The following ZBTB20 variants were observed in gnomAD, a reference collection of about 807,000 sequenced individuals.
ZBTB20 encodes the protein zinc finger and BTB domain containing 20.
A neutral mutation model predicts 56.9 loss-of-function variants in ZBTB20; 9 were observed. That is an observed-to-expected ratio of 0.16 (90% confidence interval 0.10 to 0.28). The LOEUF is 0.28. ZBTB20 is among the 10% of genes least tolerant of loss of function. The pLI is 1.00. For missense variants in ZBTB20, 655 were observed against 1,003.0 expected (o/e 0.65, Z 4.69); for synonymous variants, 417 against 420.7 (o/e 0.99, Z 0.11).
intron 5 of ZBTB20, among the ~76,000 whole-genome samples, chr3:114,729,956 A>ATTTTTTT (rs1229757252): frequency 2.4e-4 from 29 of 119,444 alleles, no homozygotes; most frequent in African/African-American, 8.2e-4. Flanking sequence ...CATCCGGCTA[A>ATTTTTTT]TTTTTTTTTT....
At chr3:114,370,306 T>C (rs2108433502) in intron 10 of ZBTB20, among the ~76,000 whole-genome samples, 1 of 152,378 alleles carries the variant, frequency 6.6e-6, no homozygotes, top group South Asian at 2.1e-4. Context: ...TTGTACTTTG[T>C]AATAGTTGCT....
chr3:114,857,253 T>G (rs1283048072), intron 4 of ZBTB20, among the ~76,000 whole-genome samples: 1 of 152,190 alleles, frequency 6.6e-6, no homozygotes, highest in South Asian at 2.1e-4. Flanking sequence ...CTTCATCACC[T>G]TTCTCATCTT....
chr3:114,417,006 T>C (rs938413942), intron 7 of ZBTB20, among the ~76,000 whole-genome samples: 2 of 152,022 alleles, frequency 1.3e-5, no homozygotes, highest in Non-Finnish European at 2.9e-5. Flanking sequence ...AAAGAGTTTG[T>C]TTTATTTTCT....
chr3:114,619,122 C>T (rs554629128), intron 6 of ZBTB20, among the ~76,000 whole-genome samples: 1 of 152,234 alleles, frequency 6.6e-6, no homozygotes, highest in African/African-American at 2.4e-5. Context: ...TAAGGATGAA[C>T]AGGTTGTTTG....
At chr3:115,082,397 CGT>C (rs1226785305) in intron 1 of ZBTB20, among the ~76,000 whole-genome samples, 6 of 152,120 alleles carry the variant, frequency 3.9e-5, no homozygotes, top group Admixed American at 6.6e-5. Context: ...TGAGTGTGCG[CGT>C]GTCTGGATCA....
rs1257686366 is a variant in ZBTB20, at chr3:114,731,921, CGGCTGTGCCTAGATTAGTTACTAATCT to C, written c.-342-38373_-342-38347del. Reference sequence around the variant, plus strand: ...GCTGTGCCTAGATTAGTTACTAATCCGGCTGTGCCTAGATTAGTTACTAATCTGGCTGTGCCTAGATTAGTTACTAAT... The same window carrying C: ...GCTGTGCCTAGATTAGTTACTAATCCGGCTGTGCCTAGATTAGTTACTAAT... On this transcript the variant is annotated intron_variant, in intron 5 of 11. Coordinates refer to ENST00000675478, the MANE Select transcript of ZBTB20 (RefSeq NM_001348800.3). Among the ~76,000 whole-genome samples the C allele has an allele frequency of 8.3e-3, 1,250 of 151,438 alleles. 8 individuals carry two copies. The highest frequency in any genetic ancestry group is 0.013 in the Non-Finnish European group (890 of 67,778).
intron 6 of ZBTB20, among the ~76,000 whole-genome samples, chr3:114,635,834 A>T (rs1457985054): frequency 6.6e-6 from 1 of 152,098 alleles, no homozygotes; most frequent in Non-Finnish European, 1.5e-5. Flanking sequence ...CAATAAACAC[A>T]TTAGGGAATT....
At chr3:114,556,754 G>A (rs563430676) in intron 6 of ZBTB20, among the ~76,000 whole-genome samples, 15 of 152,044 alleles carry the variant, frequency 9.9e-5, no homozygotes, top group South Asian at 2.1e-4. Context: ...CCAAAGATGG[G>A]ACTTAAGACA....
chr3:115,120,554 T>A (rs1354825118), intron 1 of ZBTB20, among the ~76,000 whole-genome samples: 1 of 152,136 alleles, frequency 6.6e-6, no homozygotes, highest in African/African-American at 2.4e-5. Flanking sequence ...AGGATGAATG[T>A]AAGCCAGACG....
intron 6 of ZBTB20, among the ~76,000 whole-genome samples, chr3:114,590,383 G>A (rs968031054): frequency 3.3e-5 from 5 of 151,902 alleles, no homozygotes; most frequent in African/African-American, 7.3e-5. Flanking sequence ...CTTGGGAGGC[G>A]GAGGTTGCAG....
At chr3:114,510,086 T>A (rs1577184351) in intron 6 of ZBTB20, among the ~76,000 whole-genome samples, 1 of 152,124 alleles carries the variant, frequency 6.6e-6, no homozygotes, top group Non-Finnish European at 1.5e-5. Flanking sequence ...TCACCCATAC[T>A]TTGGGGAAGA....
At chr3:114,690,243 A>G (rs1464997369) in intron 6 of ZBTB20, among the ~76,000 whole-genome samples, 1 of 152,060 alleles carries the variant, frequency 6.6e-6, no homozygotes, top group Non-Finnish European at 1.5e-5. Flanking sequence ...TTCTTCCCCA[A>G]GGGTTAGGCA....
chr3:114,870,665 C>G (rs534814293), intron 4 of ZBTB20, among the ~76,000 whole-genome samples: 1 of 151,226 alleles, frequency 6.6e-6, no homozygotes, highest in African/African-American at 2.4e-5. Flanking sequence ...CACGCACACA[C>G]CCCTCAATAT....
chr3:114,338,942 T>A lies in ZBTB20; in HGVS notation c.*63A>T. On this transcript the variant is annotated 3_prime_UTR_variant, in exon 12 of 12. Transcript: ENST00000675478. The stretch of plus-strand genomic sequence containing the variant: ...TTCTTAAATTCTAGTGCCATAGCTT[T>A]TTTGTTTGTTTGTTTTTTGTTGTTG... The A allele has an allele frequency of 1.4e-6, 2 of 1,441,738 alleles. No homozygotes were observed. Among genetic ancestry groups the A allele is most frequent in the Non-Finnish European group, 1.8e-6 (2 of 1,087,092 alleles). The allele number at this position is 1,441,738 out of a possible 1,614,324, so 89.3% of individuals were successfully genotyped here. A position where few individuals can be genotyped will look rare whatever the true frequency, so the allele number is the denominator to read the frequency against.
At chr3:114,703,342 G>T (rs113300736) in intron 5 of ZBTB20, among the ~76,000 whole-genome samples, 59 of 152,128 alleles carry the variant, frequency 3.9e-4, no homozygotes, top group Non-Finnish European at 7.2e-4. Flanking sequence ...CAACAACTTT[G>T]GCAGTTTTGT....
chr3:114,427,005 T>C (rs2089733253), intron 7 of ZBTB20, among the ~76,000 whole-genome samples: 1 of 152,242 alleles, frequency 6.6e-6, no homozygotes, highest in Non-Finnish European at 1.5e-5. Context: ...AGTCTCATGC[T>C]TTTTGAGATC....
At chr3:114,354,563 G>GT (rs59539017) in intron 10 of ZBTB20, among the ~76,000 whole-genome samples, 47,616 of 129,924 alleles carry the variant, frequency 0.37, 9,099 homozygotes, top group South Asian at 0.48. Context: ...TTCTGAACAG[G>GT]TTTTTTTTTG....
chr3:114,912,727 C>T (rs1194230248), intron 3 of ZBTB20, among the ~76,000 whole-genome samples: 4 of 151,884 alleles, frequency 2.6e-5, no homozygotes, highest in African/African-American at 7.3e-5. Flanking sequence ...GTTTTGTACT[C>T]ATTAACCATC....
At chr3:114,638,927 A>G (rs1224097458) in intron 6 of ZBTB20, among the ~76,000 whole-genome samples, 1 of 152,100 alleles carries the variant, frequency 6.6e-6, no homozygotes, top group Non-Finnish European at 1.5e-5. Context: ...TGAAGACAAT[A>G]CCATGCAGTT....
Sources: allele counts gnomAD v4.1 joint callset (sites outside exome capture counted in the v4.1 genomes callset), GRCh38; gene constraint gnomAD v4.1.1; transcripts MANE v1.5; gene names NCBI Gene and HGNC (gene_info 2026-07-23, HGNC 2026-07-21).